SOX5: variants seen among roughly 807,000 people sequenced by gnomAD.
The protein encoded by SOX5 is SRY-box transcription factor 5, also known as transcription factor SOX-5.
In SOX5, 9 loss-of-function variants were observed where a neutral mutation model predicts 92.0. That is an observed-to-expected ratio of 0.10 (90% CI 0.06 to 0.17). The LOEUF is 0.17. SOX5 is among the 10% of genes least tolerant of loss of function. The probability of loss-of-function intolerance (pLI) is 1.00; values close to 1 mark genes in which losing one functional copy is unlikely to be tolerated. For missense variants in SOX5, 642 were observed against 944.5 expected, an observed-to-expected ratio of 0.68 and a Z score of 4.20; for synonymous variants, 344 against 336.3, an observed-to-expected ratio of 1.02 and a Z score of -0.25.
intron 9 of SOX5, among the ~76,000 whole-genome samples, chr12:23,590,650 T>G (rs1359801129): frequency 6.6e-6 from 1 of 152,036 alleles, no homozygotes. Flanking sequence ...CCCATTATAT[T>G]GTACTGTGTG....
At chr12:23,858,153 A>G (rs1479387334) in intron 2 of SOX5, among the ~76,000 whole-genome samples, 1 of 152,030 alleles carries the variant, frequency 6.6e-6, no homozygotes, top group Non-Finnish European at 1.5e-5. Flanking sequence ...TTTACAATGT[A>G]TGTTACTTTC....
intron 4 of SOX5, among the ~76,000 whole-genome samples, chr12:24,008,492 T>C (rs1049160150): frequency 6.6e-6 from 1 of 152,108 alleles, no homozygotes; most frequent in African/African-American, 2.4e-5. Flanking sequence ...AGTACAGAGC[T>C]TGGATTAAAT....
At chr12:23,651,327 G>T (rs1441451682) in intron 7 of SOX5, among the ~76,000 whole-genome samples, 1 of 151,884 alleles carries the variant, frequency 6.6e-6, no homozygotes, top group Non-Finnish European at 1.5e-5. Flanking sequence ...TTTTTAAACT[G>T]GCCAGGATTA....
At chr12:23,945,942 G>C (rs1297811097) in intron 1 of SOX5, among the ~76,000 whole-genome samples, 1 of 152,094 alleles carries the variant, frequency 6.6e-6, no homozygotes, top group Non-Finnish European at 1.5e-5. Flanking sequence ...TAATGTCAGA[G>C]AGTAGTTTTC....
chr12:24,080,989 C>T (rs1213008343), intron 4 of SOX5, among the ~76,000 whole-genome samples: 1 of 151,890 alleles, frequency 6.6e-6, no homozygotes, highest in Non-Finnish European at 1.5e-5. Context: ...ATTATTTTAG[C>T]CTGCTCTCTG....
At chr12:24,529,894 C>A (rs995997586) in intron 1 of SOX5, among the ~76,000 whole-genome samples, 10 of 152,052 alleles carry the variant, frequency 6.6e-5, no homozygotes, top group Non-Finnish European at 1.5e-4. Context: ...GTGGCGGGCG[C>A]CTGTAGTCCC....
rs998678043 is a variant in SOX5, at chr12:23,860,885, T to G, written c.271-14692A>C. Among the ~76,000 whole-genome samples the G allele has an allele frequency of 2.7e-5, 4 of 150,236 alleles. No homozygotes were observed. In the Admixed American group the frequency reaches 2.7e-4, roughly 10 times the overall value. ...ACCTTCTCCTTCACTGACTTGGGTC[T>G]GCCCTGTACATTTTTGAAAGTTTAT... On this transcript the variant is annotated intron_variant, in intron 2 of 14. Coordinates refer to ENST00000451604, the MANE Select transcript of SOX5 (RefSeq NM_006940.6).
intron 1 of SOX5, among the ~76,000 whole-genome samples, chr12:24,555,592 T>C (rs925516804): frequency 4.6e-5 from 7 of 152,122 alleles, no homozygotes; most frequent in Non-Finnish European, 8.8e-5. Context: ...AACAGTACAA[T>C]GGACTTAGAG....
chr12:24,421,854 C>T (rs1322443415), intron 1 of SOX5, among the ~76,000 whole-genome samples: 1 of 152,170 alleles, frequency 6.6e-6, no homozygotes, highest in East Asian at 1.9e-4. Context: ...CTAATGTTCC[C>T]TTCTTTTGCA....
rs1378936130 is a variant in SOX5, at chr12:23,999,173, T to TGTGTGC, written c.-1-103150_-1-103149insGCACAC. On this transcript the variant is annotated intron_variant, in intron 4 of 4. Transcript: ENST00000446891. ...GTGTGTGTGTGTGTGTGTGTGTGTGTGTGTACCATTGCTTCTCTTAAGTGA... is the reference window on the plus strand; with the variant it reads ...GTGTGTGTGTGTGTGTGTGTGTGTGTGTGTGCGTGTACCATTGCTTCTCTTAAGTGA... Among the ~76,000 whole-genome samples the TGTGTGC allele has an allele frequency of 1.4e-5, 2 of 146,252 alleles. 1 individual carries two copies. Among genetic ancestry groups the TGTGTGC allele is most frequent in the East Asian group, 3.9e-4 (2 of 5,136 alleles).
At chr12:23,967,648 A>G (rs1190377579) in intron 4 of SOX5, among the ~76,000 whole-genome samples, 1 of 152,184 alleles carries the variant, frequency 6.6e-6, no homozygotes, top group Non-Finnish European at 1.5e-5. Context: ...TCTCTGCAAT[A>G]AAACATTGTG....
chr12:24,339,408 G>A (rs1952318062), intron 2 of SOX5, among the ~76,000 whole-genome samples: 1 of 152,056 alleles, frequency 6.6e-6, no homozygotes, highest in African/African-American at 2.4e-5. Flanking sequence ...GTGTGCAAAG[G>A]CCTGCAGGTG....
intron 1 of SOX5, among the ~76,000 whole-genome samples, chr12:24,515,530 C>A (rs1357687379): frequency 6.6e-6 from 1 of 152,234 alleles, no homozygotes; most frequent in East Asian, 1.9e-4. Context: ...GACACTCTAG[C>A]AATTTTTAAA....
chr12:23,676,422 T>A (rs1166156964), intron 6 of SOX5, among the ~76,000 whole-genome samples: 1 of 152,042 alleles, frequency 6.6e-6, no homozygotes, highest in African/African-American at 2.4e-5. Flanking sequence ...CAAGAACAAG[T>A]TTTTCCTCAA....
At chr12:24,056,866 T>C (rs1197906829) in intron 4 of SOX5, among the ~76,000 whole-genome samples, 1 of 145,356 alleles carries the variant, frequency 6.9e-6, no homozygotes, top group Non-Finnish European at 1.5e-5. Context: ...TCCCAGCTAC[T>C]TGGAAGGCTG....
rs1341594403 is a variant in SOX5, at chr12:23,586,081, C to T, written c.1165-10243G>A. On this transcript the variant is annotated intron_variant, in intron 9 of 14. Coordinates refer to ENST00000451604, the MANE Select transcript of SOX5 (RefSeq NM_006940.6). ...TCCCCTTCCTCTGCATGAGGAAGCG[C>T]GCTCTCTCTCTCCCTCCTTTCTTTT... Among the ~76,000 whole-genome samples, 4 of 152,194 alleles carry T rather than the reference C, an allele frequency of 2.6e-5. No individual in the cohort carries two copies. In the East Asian group the frequency reaches 7.7e-4, roughly 29 times the overall value.
chr12:24,324,274 G>A (rs1009589287), intron 2 of SOX5, among the ~76,000 whole-genome samples: 4 of 150,718 alleles, frequency 2.7e-5, no homozygotes, highest in Non-Finnish European at 5.9e-5. Context: ...TTTTCTGGGT[G>A]AAAAAAAAAT....
At chr12:23,977,389 G>A (rs1949033663) in intron 4 of SOX5, among the ~76,000 whole-genome samples, 1 of 152,164 alleles carries the variant, frequency 6.6e-6, no homozygotes, top group Non-Finnish European at 1.5e-5. Flanking sequence ...ATAAAGGTGG[G>A]CCAAGCATGG....
At chr12:23,888,650 C>T (rs1452738955) in intron 2 of SOX5, among the ~76,000 whole-genome samples, 2 of 152,156 alleles carry the variant, frequency 1.3e-5, no homozygotes, top group African/African-American at 4.8e-5. Context: ...GATTGTTTTT[C>T]ACACGTCCCC....
Sources: allele counts gnomAD v4.1 joint callset (sites outside exome capture counted in the v4.1 genomes callset), GRCh38; gene constraint gnomAD v4.1.1; transcripts MANE v1.5; gene names NCBI Gene and HGNC (gene_info 2026-07-23, HGNC 2026-07-21).